ABL1: variants seen among roughly 807,000 people sequenced by gnomAD.
The protein encoded by ABL1 is ABL proto-oncogene 1, non-receptor tyrosine kinase.
Under a neutral mutation model 94.7 loss-of-function variants are expected in ABL1, and 11 were observed. The ratio of observed to expected loss-of-function variants is 0.12; its 90% CI spans 0.07 to 0.19. ABL1 has a LOEUF of 0.19. Ranked by LOEUF, ABL1 falls within the 10% of genes least tolerant of loss-of-function variation. The pLI, the probability that ABL1 is intolerant of heterozygous loss-of-function variation, is 1.00. For missense variants in ABL1, 1,082 were observed against 1,489.4 expected (o/e 0.73, Z 4.50); for synonymous variants, 656 against 622.4 (o/e 1.05, Z -0.80).
At chr9:130,781,764 C>T (rs1003910691) in intron 1 of ABL1, among the ~76,000 whole-genome samples, 14 of 152,060 alleles carry the variant, frequency 9.2e-5, no homozygotes, top group Non-Finnish European at 2.1e-4. Context: ...GAATTCTCCC[C>T]TTAACCATCT....
rs141910431 is a variant in ABL1 at position 130,792,471 on chromosome 9, G to A, written c.137-61593G>A. ...CCCATCAGCTACTTCCCTACCCCTA[G>A]TGGTCCTATGAGTCCTTCAGTTCTC... On this transcript the variant is annotated intron_variant, in intron 1 of 10. Transcript: ENST00000372348. 6.0e-3 allele frequency among the ~76,000 whole-genome samples: 913 copies of A among 151,778 alleles called. 2 individuals carry two copies. The highest frequency in any genetic ancestry group is 0.01 in the Non-Finnish European group (693 of 67,954).
chr9:130,786,630 A>AG (rs1040119915), intron 1 of ABL1, among the ~76,000 whole-genome samples: 5 of 152,130 alleles, frequency 3.3e-5, no homozygotes, highest in African/African-American at 1.2e-4. Context: ...CCCTGATGTG[A>AG]GGGAAGGGCT....
chr9:130,744,561 T>C (rs1157815754), intron 1 of ABL1, among the ~76,000 whole-genome samples: 7 of 151,220 alleles, frequency 4.6e-5, no homozygotes, highest in Admixed American at 3.3e-4. Flanking sequence ...AGGATAAAAC[T>C]GTCTTTTCTG....
chr9:130,755,106 G>T (rs1293854516), intron 1 of ABL1, among the ~76,000 whole-genome samples: 2 of 152,152 alleles, frequency 1.3e-5, no homozygotes, highest in South Asian at 4.1e-4. Context: ...AACAGTACTT[G>T]GCACATGGTA....
At chr9:130,841,574 G>A (rs1158684189) in intron 1 of ABL1, among the ~76,000 whole-genome samples, 1 of 151,714 alleles carries the variant, frequency 6.6e-6, no homozygotes, top group African/African-American at 2.4e-5. Context: ...CACTTTGGGA[G>A]GCCGAGGCAG....
chr9:130,847,881 C>T (rs1332371389), intron 1 of ABL1, among the ~76,000 whole-genome samples: 1 of 152,206 alleles, frequency 6.6e-6, no homozygotes, highest in African/African-American at 2.4e-5. Context: ...CTTTAACCCA[C>T]ACTTCAAGTG....
chr9:130,829,255 A>C (rs1411996997), intron 1 of ABL1, among the ~76,000 whole-genome samples: 1 of 152,190 alleles, frequency 6.6e-6, no homozygotes. Context: ...CAAAATGAAG[A>C]AGTCAGTCAA....
In ABL1 at chr9:130,740,599, A is replaced by G. The variant is rs1173691474; in HGVS notation, c.136+26144A>G. Among the ~76,000 whole-genome samples the G allele has an allele frequency of 3.9e-5, 6 of 152,178 alleles. No individual in the cohort carries two copies. The East Asian group carries it at 1.2e-3, about 29-fold the overall frequency. On this transcript the variant is annotated intron_variant, in intron 1 of 10. Coordinates refer to the ABL1 transcript ENST00000372348. ...TAGACGTATGTTTATCACTTCGAAGAAAAACAATTTTACTATGATCTCAGT... is the reference window on the plus strand; with the variant it reads ...TAGACGTATGTTTATCACTTCGAAGGAAAACAATTTTACTATGATCTCAGT...
intron 1 of ABL1, among the ~76,000 whole-genome samples, chr9:130,853,170 CTTTTT>C (rs11418318): frequency 1.3e-4 from 10 of 75,336 alleles, no homozygotes; most frequent in African/African-American, 2.7e-4. Flanking sequence ...TTTGACTTTT[CTTTTT>C]TTTTTTTTTT....
chr9:130,771,917 C>T (rs1832258302), intron 1 of ABL1, among the ~76,000 whole-genome samples: 1 of 151,950 alleles, frequency 6.6e-6, no homozygotes, highest in South Asian at 2.1e-4. Flanking sequence ...CCACGCCCAG[C>T]TAAGTTTTGT....
intron 4 of ABL1, among the ~76,000 whole-genome samples, chr9:130,870,495 G>A (rs1037559306): frequency 2.6e-5 from 4 of 152,198 alleles, no homozygotes; most frequent in Non-Finnish European, 5.9e-5. Context: ...GATTCTTAAA[G>A]CCCCAGTCCT....
At chr9:130,714,303 G>A in exon 1 of ABL1, 1 of 1,577,404 alleles carries the variant, frequency 6.3e-7, no homozygotes, top group African/African-American at 1.4e-5. Context: ...CTGGAAAGGG[G>A]TACCTATTAT....
intron 4 of ABL1, among the ~76,000 whole-genome samples, chr9:130,867,267 ATC>A (rs1831171423): frequency 1.3e-5 from 2 of 152,136 alleles, no homozygotes; most frequent in South Asian, 2.1e-4. Context: ...ATAGGCACGG[ATC>A]TCTGTCTTCT....
chr9:130,730,847 C>T (rs1163510443), intron 1 of ABL1, among the ~76,000 whole-genome samples: 4 of 152,020 alleles, frequency 2.6e-5, no homozygotes, highest in African/African-American at 9.7e-5. Flanking sequence ...GCTGGGATTA[C>T]AGGTGTGAGC....
intron 1 of ABL1, among the ~76,000 whole-genome samples, chr9:130,750,920 C>T (rs1011948509): frequency 4.0e-5 from 6 of 151,682 alleles, no homozygotes; most frequent in African/African-American, 1.5e-4. Flanking sequence ...GCTGGGATTC[C>T]AGGTGTGAGC....
At chr9:130,882,897 C>A (rs1831485920) in intron 10 of ABL1, among the ~76,000 whole-genome samples, 2 of 152,130 alleles carry the variant, frequency 1.3e-5, no homozygotes, top group African/African-American at 4.8e-5. Flanking sequence ...AAACTGTTGG[C>A]CGGGCGTGGT....
rs573602038 is a variant in ABL1 at position 130,735,961 on chromosome 9, A to ATATATATATATTTTTTT, written c.136+21507_136+21508insATATATATATTTTTTTT. Among the ~76,000 whole-genome samples the ATATATATATATTTTTTT allele has an allele frequency of 4.7e-4, 45 of 94,812 alleles. 1 individual carries two copies. The highest frequency in any genetic ancestry group is 2.4e-3 in the African/African-American group (37 of 15,658). The allele number at this position is 94,812 out of a possible 152,430, so 62.2% of individuals were successfully genotyped here. ...TATATATATATATATATATATATATATTTTTTTTTTTTAAGACAGGGTCTG... is the reference window on the plus strand; with the variant it reads ...TATATATATATATATATATATATATATATATATATATTTTTTTTTTTTTTTTTTTAAGACAGGGTCTG... On this transcript the variant is annotated intron_variant, in intron 1 of 10. Transcript: ENST00000372348.
chr9:130,846,706 G>A (rs1830778162), intron 1 of ABL1, among the ~76,000 whole-genome samples: 1 of 152,230 alleles, frequency 6.6e-6, no homozygotes, highest in South Asian at 2.1e-4. Flanking sequence ...CCCCCCTTGG[G>A]CTGTGAAGTA....
At chr9:130,774,600 G>A (rs891808334) in intron 1 of ABL1, among the ~76,000 whole-genome samples, 1 of 152,162 alleles carries the variant, frequency 6.6e-6, no homozygotes. Context: ...GAGGTGGGCG[G>A]ATTGCCTGAG....
Sources: allele counts gnomAD v4.1 joint callset (sites outside exome capture counted in the v4.1 genomes callset), GRCh38; gene constraint gnomAD v4.1.1; transcripts MANE v1.5; gene names NCBI Gene and HGNC (gene_info 2026-07-23, HGNC 2026-07-21).